Variants in ZBTB38 observed in about 807,000 individuals in gnomAD.
ZBTB38 encodes zinc finger and BTB domain-containing protein 38.
ZBTB38 carries 20 observed loss-of-function variants against 76.8 expected under a neutral mutation model. The ratio of observed to expected loss-of-function variants is 0.26; its 90% CI spans 0.18 to 0.38. The LOEUF (loss-of-function observed/expected upper bound fraction) is 0.38. Ranked by LOEUF, ZBTB38 falls within the 10% of genes least tolerant of loss-of-function variation. ZBTB38 has a pLI of 1.00. For synonymous variants in ZBTB38, 504 were observed against 544.2 expected (o/e 0.93, Z 1.03); for missense variants, 1,082 against 1,482.3 (o/e 0.73, Z 4.43).
intron 1 of ZBTB38, among the ~76,000 whole-genome samples, chr3:141,337,473 G>T (rs1055170450): frequency 6.6e-6 from 1 of 152,170 alleles, no homozygotes; most frequent in Non-Finnish European, 1.5e-5. Context: ...CAACCCTGCC[G>T]CAGTCCACAG....
chr3:141,404,343 C>T (rs1329267362), intron 5 of ZBTB38, among the ~76,000 whole-genome samples: 1 of 152,166 alleles, frequency 6.6e-6, no homozygotes, highest in Non-Finnish European at 1.5e-5. Context: ...ACTGACATTG[C>T]TGAGGCCCGG....
intron 2 of ZBTB38, among the ~76,000 whole-genome samples, chr3:141,371,678 C>T (rs893861000): frequency 3.3e-5 from 5 of 152,122 alleles, no homozygotes; most frequent in African/African-American, 1.2e-4. Flanking sequence ...AAGTCTCAGG[C>T]TGGGGCTATT....
chr3:141,358,950 G>T (rs1943742219), intron 1 of ZBTB38, among the ~76,000 whole-genome samples: 1 of 152,218 alleles, frequency 6.6e-6, no homozygotes. Flanking sequence ...TGGTGGATTG[G>T]GGCTGGGCGA....
intron 1 of ZBTB38, among the ~76,000 whole-genome samples, chr3:141,348,621 CT>C (rs1943432022): frequency 6.6e-6 from 1 of 152,136 alleles, no homozygotes; most frequent in Non-Finnish European, 1.5e-5. Flanking sequence ...TTCTTCCCTC[CT>C]TTTCTCGTCT....
intron 5 of ZBTB38, among the ~76,000 whole-genome samples, chr3:141,406,495 G>A (rs1187983457): frequency 6.6e-6 from 1 of 152,192 alleles, no homozygotes; most frequent in Admixed American, 6.5e-5. Flanking sequence ...CTCAGAAGGA[G>A]GTAAGGAGCT....
chr3:141,424,087 CCTT>C (rs1257729255), intron 5 of ZBTB38, among the ~76,000 whole-genome samples: 3 of 152,146 alleles, frequency 2.0e-5, no homozygotes, highest in African/African-American at 7.2e-5. Context: ...ATTTGAGTGA[CCTT>C]CTGATTTAAG....
intron 5 of ZBTB38, among the ~76,000 whole-genome samples, chr3:141,428,363 C>T (rs943321313): frequency 7.2e-5 from 11 of 152,212 alleles, no homozygotes; most frequent in Admixed American, 3.3e-4. Context: ...TGTACACATT[C>T]ATGTGAGGCA....
At chr3:141,377,190 C>T (rs1421575001) in intron 2 of ZBTB38, among the ~76,000 whole-genome samples, 1 of 152,246 alleles carries the variant, frequency 6.6e-6, no homozygotes, top group Non-Finnish European at 1.5e-5. Flanking sequence ...TGTCCCACCA[C>T]TGCAGTCAGG....
intron 5 of ZBTB38, chr3:141,434,113 G>T (rs1200044589): frequency 1.3e-6 from 1 of 782,376 alleles, no homozygotes; most frequent in Non-Finnish European, 1.6e-6. Flanking sequence ...AGCTCATAGG[G>T]AAGATATAAA....
At chr3:141,415,145 T>C (rs1397329905) in intron 5 of ZBTB38, among the ~76,000 whole-genome samples, 1 of 152,006 alleles carries the variant, frequency 6.6e-6, no homozygotes, top group Non-Finnish European at 1.5e-5. Flanking sequence ...TTAAACCACA[T>C]CTTCAGGGGT....
At chr3:141,373,979 A>C (rs1433121811) in intron 2 of ZBTB38, among the ~76,000 whole-genome samples, 2 of 152,032 alleles carry the variant, frequency 1.3e-5, no homozygotes, top group East Asian at 3.9e-4. Flanking sequence ...AAAATACAAA[A>C]ATTAGCTGGG....
At chr3:141,383,839 G>A (rs1946554083) in intron 3 of ZBTB38, 1 of 152,184 alleles carries the variant, frequency 6.6e-6, no homozygotes, top group African/African-American at 2.4e-5. Flanking sequence ...AGGCTAAAAT[G>A]TTCACTGTGG....
Position 141,442,696 on chromosome 3 carries a change from C to G in ZBTB38, c.308C>G (p.Thr103Arg). ...SSTVVVKRQE[T>R]VTDLAAAGKK... ...ACAGTCGTTGTCAAGAGACAGGAAACAGTCACTGATCTCGCAGCTGCAGGA... is the reference window on the plus strand; with the variant it reads ...ACAGTCGTTGTCAAGAGACAGGAAAGAGTCACTGATCTCGCAGCTGCAGGA... Residue 103 changes from threonine (T) to arginine (R), a missense_variant, in exon 6 of 6, where the codon ACA (threonine) becomes AGA (arginine). Coordinates refer to ENST00000321464, the MANE Select transcript of ZBTB38 (RefSeq NM_001376113.1). This position sits in a 1 kb window ranked among gnomAD's most constrained non-coding sequence, Gnocchi z 6.4. 1 of 1,614,184 alleles carries G rather than the reference C, an allele frequency of 6.2e-7. No individual in the cohort carries two copies. The highest frequency in any genetic ancestry group is 8.5e-7 in the Non-Finnish European group (1 of 1,180,042).
intron 1 of ZBTB38, among the ~76,000 whole-genome samples, chr3:141,354,521 G>A (rs1943607244): frequency 6.6e-6 from 1 of 152,022 alleles, no homozygotes; most frequent in Non-Finnish European, 1.5e-5. Context: ...AATTGGATGG[G>A]CAAAAGTTTC....
intron 1 of ZBTB38, among the ~76,000 whole-genome samples, chr3:141,342,109 G>A (rs1025252147): frequency 3.3e-5 from 5 of 152,136 alleles, no homozygotes; most frequent in African/African-American, 4.8e-5. Context: ...GGTGGATCAC[G>A]AGTTCAGGAG....
chr3:141,341,348 G>T (rs1943192639), intron 1 of ZBTB38, among the ~76,000 whole-genome samples: 1 of 152,138 alleles, frequency 6.6e-6, no homozygotes, highest in African/African-American at 2.4e-5. Flanking sequence ...ACAAAAACTT[G>T]TATACAATAC....
intron 1 of ZBTB38, among the ~76,000 whole-genome samples, chr3:141,345,915 C>T (rs534702973): frequency 5.3e-4 from 81 of 152,154 alleles, no homozygotes; most frequent in Non-Finnish European, 9.4e-4. Flanking sequence ...GACAAGGCCA[C>T]CCCCACTGAG....
At chr3:141,393,692 A>AC (rs2149388506) in intron 4 of ZBTB38, among the ~76,000 whole-genome samples, 1 of 152,310 alleles carries the variant, frequency 6.6e-6, no homozygotes, top group African/African-American at 2.4e-5. Flanking sequence ...AGCAGTCAGG[A>AC]GGCAGCCAGG....
rs1282845326 is a variant in ZBTB38 at position 141,348,860 on chromosome 3, G to A, written c.-738-19761G>A. Among the ~76,000 whole-genome samples the A allele has an allele frequency of 2.6e-5, 4 of 152,282 alleles. No homozygotes were observed. The East Asian group carries it at 5.8e-4, about 22-fold the overall frequency. ...TGGTAAAGGGACTCCCGGCAGAGAA[G>A]CAATTTTACAGAATTTCTGGAGGGT... On this transcript the variant is annotated intron_variant, in intron 1 of 7. Transcript: ENST00000509842.
Sources: gnomAD v4.1 joint callset for allele counts (sites outside exome capture counted in the v4.1 genomes callset) on GRCh38, gnomAD v4.1.1 for gene constraint, Gnocchi (gnomAD v3.1) non-coding constraint, MANE v1.5 for transcripts, NCBI Gene and HGNC (gene_info 2026-07-23, HGNC 2026-07-21) for gene names.